Variants in XIST observed in about 807,000 individuals in gnomAD.
XIST encodes X inactive specific transcript (non-protein coding).
At chrX:73,846,377 G>A (rs1922771397) in exon 1 of XIST, 1 of 559,309 alleles carries the variant, frequency 1.8e-6, no homozygotes, top group East Asian at 3.2e-5. Context: ...CTCCCTGCTG[G>A]AAGGGAAAGG....
At chrX:73,844,295 T>C in exon 1 of XIST, 1 of 558,980 alleles carries the variant, frequency 1.8e-6, no homozygotes, top group Non-Finnish European at 3.2e-6. Flanking sequence ...GGGACATTGT[T>C]GTGGTCAATT....
chrX:73,828,008 G>A (rs776615290), intron 5 of XIST: 3 of 487,330 alleles, frequency 6.2e-6, no homozygotes, highest in Non-Finnish European at 1.1e-5. Flanking sequence ...GATAAGCAAA[G>A]GCAGACATTC....
In XIST at chrX:73,831,069, G is replaced by T; in HGVS notation, n.11749C>A. The T allele has an allele frequency of 1.8e-6, 1 of 557,820 alleles. No individual in the cohort carries two copies. The highest frequency in any genetic ancestry group is 3.2e-6 in the Non-Finnish European group (1 of 308,884). 46.0% of individuals were successfully genotyped at this position (557,820 alleles called of 1,213,427 possible). A position where few individuals can be genotyped will look rare whatever the true frequency, so the allele number is the denominator to read the frequency against. On this transcript the variant is annotated non_coding_transcript_exon_variant, in exon 4 of 6. Transcript: ENST00000429829. The stretch of plus-strand genomic sequence containing the variant: ...CTTTTAGGGACAGCTTACGCACCTT[G>T]ACGTGTGGTGGTTGTTTTTGAGACT...
At chrX:73,845,096 T>C (rs763050317) in exon 1 of XIST, 1 of 555,513 alleles carries the variant, frequency 1.8e-6, no homozygotes. Context: ...GGATGGGCCA[T>C]GTGCAGTTAC....
intron 2 of XIST, among the ~76,000 whole-genome samples, chrX:73,835,755 C>A (rs894656442): frequency 9.0e-6 from 1 of 111,677 alleles, no homozygotes; most frequent in African/African-American, 3.2e-5. Flanking sequence ...CTGAATAATT[C>A]TTTTCTTGAG....
exon 6 of XIST, chrX:73,820,999 G>C (rs758440880): frequency 1.8e-6 from 1 of 558,896 alleles, no homozygotes; most frequent in Non-Finnish European, 3.2e-6. Flanking sequence ...TCTTATTCTT[G>C]TTTAATCAGT....
chrX:73,833,279 C>G (rs776919485), exon 3 of XIST: 1 of 556,816 alleles, frequency 1.8e-6, no homozygotes, highest in African/African-American at 2.2e-5. Context: ...AGTAGATTAG[C>G]TGGAGCTTGG....
chrX:73,845,688 C>T (rs1922736378), exon 1 of XIST: 1 of 553,075 alleles, frequency 1.8e-6, no homozygotes, highest in African/African-American at 2.3e-5. Context: ...TGCAGTTACG[C>T]ACATTAATGT....
At position 73,843,607 on chromosome X, in the gene XIST, AT is replaced by A. The variant is rs775637256; in HGVS notation, n.9116del. The A allele has an allele frequency of 6.8e-5, 38 of 557,337 alleles. 1 individual carries two copies. In the South Asian group the frequency reaches 8.5e-4, roughly 12 times the overall value. 45.9% of individuals were successfully genotyped at this position (557,337 alleles called of 1,213,427 possible). On this transcript the variant is annotated non_coding_transcript_exon_variant, in exon 1 of 6. Coordinates refer to ENST00000429829, the Ensembl canonical transcript of XIST. Reference sequence around the variant, plus strand: ...AAGAGGTGGACAATTGCATTAATGCATATTAAGTCCAAAAGAAGGGGCACTT... The same window carrying A: ...AAGAGGTGGACAATTGCATTAATGCAATTAAGTCCAAAAGAAGGGGCACTT...
At chrX:73,826,362 C>T (rs1266120510) in exon 6 of XIST, 1 of 558,875 alleles carries the variant, frequency 1.8e-6, no homozygotes, top group South Asian at 2.2e-5. Context: ...GGGAAGTTAA[C>T]AAAAGCCAGA....
chrX:73,845,207 G>A (rs1922716304), exon 1 of XIST: 1 of 558,331 alleles, frequency 1.8e-6, no homozygotes, highest in South Asian at 2.2e-5. Context: ...CCTGCCAGAA[G>A]GGAAAGGAAG....
At chrX:73,843,936 ATGT>A (rs1922665247) in exon 1 of XIST, 2 of 556,453 alleles carry the variant, frequency 3.6e-6, no homozygotes, top group African/African-American at 4.5e-5. Context: ...TTTCAATTAT[ATGT>A]TGATAGTCCA....
chrX:73,842,173 A>C (rs777322676), exon 1 of XIST: 1 of 508,759 alleles, frequency 2.0e-6, no homozygotes, highest in East Asian at 3.6e-5. Flanking sequence ...TTTCTTAAAA[A>C]AATTTTTTTA....
At chrX:73,851,522 C>T (rs1922941597) in exon 1 of XIST, 1 of 559,179 alleles carries the variant, frequency 1.8e-6, no homozygotes, top group Admixed American at 2.2e-5. Context: ...AAGCACAGCC[C>T]GCCATGCTGA....
exon 1 of XIST, chrX:73,852,043 C>G: frequency 1.8e-6 from 1 of 549,780 alleles, no homozygotes; most frequent in Non-Finnish European, 3.3e-6. Context: ...ATCCGCGGCC[C>G]CGATGGGCCA....
chrX:73,844,272 C>G (rs778733819), exon 1 of XIST: 3 of 558,894 alleles, frequency 5.4e-6, no homozygotes, highest in Non-Finnish European at 9.7e-6. Flanking sequence ...TGATTACATA[C>G]ATTAATGTCC....
rs1922981926 is a variant in XIST, at chrX:73,852,648, GA to G, written n.75del. The G allele has an allele frequency of 8.2e-6, 4 of 487,291 alleles. No homozygotes were observed. The East Asian group carries it at 1.4e-4, about 18-fold the overall frequency. The allele number at this position is 487,291 out of a possible 1,213,427, so 40.2% of individuals were successfully genotyped here. A position where few individuals can be genotyped will look rare whatever the true frequency, so the allele number is the denominator to read the frequency against. On this transcript the variant is annotated non_coding_transcript_exon_variant, in exon 1 of 6. Transcript: ENST00000429829. The stretch of plus-strand genomic sequence containing the variant: ...TGTTGGGGGACTAGAAAATGTTCTA[GA>G]AAGAACCCCAAGTGCAGAGAGATCT...
In XIST at chrX:73,847,157, A is replaced by G. The variant is rs1922792199; in HGVS notation, n.5567T>C. The G allele has an allele frequency of 5.4e-6, 3 of 559,179 alleles. No individual in the cohort carries two copies. In the East Asian group the frequency reaches 9.7e-5, roughly 18 times the overall value. The allele number at this position is 559,179 out of a possible 1,213,427, so 46.1% of individuals were successfully genotyped here. A position where few individuals can be genotyped will look rare whatever the true frequency, so the allele number is the denominator to read the frequency against. On this transcript the variant is annotated non_coding_transcript_exon_variant, in exon 1 of 6. Transcript: ENST00000429829. ...GTGGGTGGGGTCCTTACATGGTAAA[A>G]AAGTACAGCAGCAAATATAAGTATG...
chrX:73,851,106 T>G (rs751427871), exon 1 of XIST: 49 of 557,725 alleles, frequency 8.8e-5, no homozygotes, highest in Non-Finnish European at 1.6e-4. Flanking sequence ...TTGGCTGTGA[T>G]CAATTCCACC....
Sources: allele counts gnomAD v4.1 joint callset (sites outside exome capture counted in the v4.1 genomes callset), GRCh38; gene constraint gnomAD v4.1.1; transcripts MANE v1.5; gene names NCBI Gene and HGNC (gene_info 2026-07-23, HGNC 2026-07-21).